EPHA6: variants seen among roughly 807,000 people sequenced by gnomAD.
The protein encoded by EPHA6 is EPH receptor A6.
EPHA6 carries 50 observed loss-of-function variants against 112.0 expected under a neutral mutation model. That is an observed-to-expected ratio of 0.45 (90% CI 0.36 to 0.56). The LOEUF (loss-of-function observed/expected upper bound fraction) is 0.56. Ranked by LOEUF, EPHA6 falls within the 20% of genes least tolerant of loss-of-function variation. The pLI, the probability that EPHA6 is intolerant of heterozygous loss-of-function variation, is 0.00. For missense variants in EPHA6, 1,280 were observed against 1,417.4 expected (o/e 0.90, Z 1.56); for synonymous variants, 529 against 490.7 (o/e 1.08, Z -1.03).
At chr3:97,326,182 A>T (rs968595613) in intron 5 of EPHA6, among the ~76,000 whole-genome samples, 3 of 151,860 alleles carry the variant, frequency 2.0e-5, no homozygotes, top group Admixed American at 6.6e-5. Context: ...CACAAAAAAT[A>T]AAAAAAATCA....
chr3:96,895,875 A>G (rs1255888087), intron 2 of EPHA6, among the ~76,000 whole-genome samples: 2 of 152,186 alleles, frequency 1.3e-5, no homozygotes, highest in Non-Finnish European at 2.9e-5. Context: ...TAGGGACACC[A>G]ATCATTGAAT....
At chr3:97,423,476 T>C (rs1213575390) in intron 6 of EPHA6, among the ~76,000 whole-genome samples, 5 of 152,124 alleles carry the variant, frequency 3.3e-5, no homozygotes, top group Middle Eastern at 6.8e-3. Flanking sequence ...ATGATAAATA[T>C]AAAACGCTGC....
At chr3:97,110,214 G>A (rs116800543) in intron 3 of EPHA6, among the ~76,000 whole-genome samples, 1 of 151,982 alleles carries the variant, frequency 6.6e-6, no homozygotes, top group Non-Finnish European at 1.5e-5. Context: ...GTAGATGGGG[G>A]TGGATGATGG....
intron 3 of EPHA6, among the ~76,000 whole-genome samples, chr3:97,194,793 ATT>A (rs1181315944): frequency 2.6e-5 from 4 of 151,290 alleles, no homozygotes; most frequent in Non-Finnish European, 5.9e-5. Context: ...CTCTTACTGA[ATT>A]GACTCCATTG....
chr3:96,891,429 G>C (rs970151695), intron 2 of EPHA6, among the ~76,000 whole-genome samples: 5 of 152,082 alleles, frequency 3.3e-5, no homozygotes, highest in Non-Finnish European at 7.3e-5. Context: ...GACTGGAAGG[G>C]GCCAGAAATC....
intron 2 of EPHA6, among the ~76,000 whole-genome samples, chr3:96,949,375 T>G (rs572711148): frequency 6.6e-6 from 1 of 152,242 alleles, no homozygotes; most frequent in South Asian, 2.1e-4. Flanking sequence ...AATTTTGCAG[T>G]ATTACTTATT....
intron 3 of EPHA6, among the ~76,000 whole-genome samples, chr3:96,995,062 C>T (rs2043370000): frequency 6.6e-6 from 1 of 151,976 alleles, no homozygotes; most frequent in South Asian, 2.1e-4. Flanking sequence ...CATTATTGTT[C>T]ACGAAGGTAA....
Position 97,180,057 on chromosome 3 carries a change from G to A in EPHA6, c.1115-46207G>A, listed in dbSNP as rs77322204. 4.2e-3 allele frequency among the ~76,000 whole-genome samples: 640 copies of A among 152,182 alleles called. 2 individuals carry two copies. Among genetic ancestry groups the A allele is most frequent in the Middle Eastern group, 0.017 (5 of 294 alleles). On this transcript the variant is annotated intron_variant, in intron 3 of 17. Transcript: ENST00000389672. The stretch of plus-strand genomic sequence containing the variant: ...GGGACAAGAGCCAAAAACCTAAGAA[G>A]TCTACTTGGTGTTCTATAAGTGCAT...
At chr3:97,291,991 T>TA (rs539349563) in intron 5 of EPHA6, among the ~76,000 whole-genome samples, 125 of 152,168 alleles carry the variant, frequency 8.2e-4, no homozygotes, top group African/African-American at 2.9e-3. Context: ...CACGGAGCAG[T>TA]GGGGGGTATG....
chr3:97,555,887 C>T (rs1374891101), intron 11 of EPHA6, among the ~76,000 whole-genome samples: 2 of 152,066 alleles, frequency 1.3e-5, no homozygotes, highest in Admixed American at 6.6e-5. Flanking sequence ...TGCCTGTTCA[C>T]TCTGATGGTA....
At chr3:97,456,093 T>A (rs1406820704) in intron 7 of EPHA6, among the ~76,000 whole-genome samples, 1 of 152,102 alleles carries the variant, frequency 6.6e-6, no homozygotes, top group Non-Finnish European at 1.5e-5. Context: ...AAAAGAAAAG[T>A]AACAACAGTA....
chr3:96,936,561 T>C (rs887916298), intron 2 of EPHA6, among the ~76,000 whole-genome samples: 1 of 151,832 alleles, frequency 6.6e-6, no homozygotes, highest in Non-Finnish European at 1.5e-5. Flanking sequence ...AAATGTATAA[T>C]ATTGCTCTTG....
intron 3 of EPHA6, among the ~76,000 whole-genome samples, chr3:97,178,697 A>G (rs1460679483): frequency 3.9e-5 from 6 of 152,118 alleles, no homozygotes; most frequent in Non-Finnish European, 8.8e-5. Context: ...TGCTTTCCAC[A>G]AAGAAGTCTG....
chr3:97,500,430 T>C (rs2092089123), intron 10 of EPHA6, among the ~76,000 whole-genome samples: 1 of 152,078 alleles, frequency 6.6e-6, no homozygotes, highest in South Asian at 2.1e-4. Context: ...GCATGTCACA[T>C]GGCAGGAGAG....
intron 11 of EPHA6, among the ~76,000 whole-genome samples, chr3:97,534,400 A>G (rs891522228): frequency 4.6e-5 from 7 of 151,734 alleles, no homozygotes; most frequent in African/African-American, 1.7e-4. Flanking sequence ...TTTAACCTAC[A>G]GTATGTGGCA....
At chr3:96,883,298 G>A (rs1452255402) in intron 2 of EPHA6, among the ~76,000 whole-genome samples, 2 of 152,140 alleles carry the variant, frequency 1.3e-5, no homozygotes, top group East Asian at 3.9e-4. Flanking sequence ...ATTTAAGTTT[G>A]TTGTAGATTC....
At chr3:97,655,645 T>C (rs1247070984) in intron 14 of EPHA6, among the ~76,000 whole-genome samples, 1 of 151,004 alleles carries the variant, frequency 6.6e-6, no homozygotes, top group Non-Finnish European at 1.5e-5. Flanking sequence ...ATATACCCAG[T>C]AATGGGATGG....
intron 1 of EPHA6, among the ~76,000 whole-genome samples, chr3:96,834,572 T>C (rs1163077288): frequency 2.6e-5 from 4 of 151,958 alleles, no homozygotes; most frequent in Non-Finnish European, 5.9e-5. Context: ...TTTTTTTTCC[T>C]TCCAACTCTA....
intron 14 of EPHA6, among the ~76,000 whole-genome samples, chr3:97,665,854 G>A (rs906688223): frequency 3.3e-5 from 5 of 152,092 alleles, no homozygotes; most frequent in Admixed American, 6.5e-5. Flanking sequence ...TCAGGGGTTC[G>A]ACACCAATCT....
Sources: gnomAD v4.1 joint callset for allele counts (sites outside exome capture counted in the v4.1 genomes callset) on GRCh38, gnomAD v4.1.1 for gene constraint, MANE v1.5 for transcripts, NCBI Gene and HGNC (gene_info 2026-07-23, HGNC 2026-07-21) for gene names.